TAF1A: variants seen among roughly 807,000 people sequenced by gnomAD.
TAF1A encodes TATA-box binding protein associated factor, RNA polymerase I subunit A, also known as TATA box-binding protein-associated factor RNA polymerase I subunit A.
TAF1A carries 42 observed loss-of-function variants against 61.6 expected under a neutral mutation model. The observed-to-expected ratio is 0.68, with a 90% CI of 0.53 to 0.88. The LOEUF is 0.88. Ranked by LOEUF, TAF1A falls within the 40% of genes least tolerant of loss-of-function variation. TAF1A has a pLI of 0.00. For synonymous variants in TAF1A, 179 were observed against 177.7 expected, an observed-to-expected ratio of 1.01 and a Z score of -0.06; for missense variants, 424 against 518.7, an observed-to-expected ratio of 0.82 and a Z score of 1.77.
At chr1:222,585,042 T>A (rs957293058) in intron 2 of TAF1A, among the ~76,000 whole-genome samples, 1 of 152,154 alleles carries the variant, frequency 6.6e-6, no homozygotes, top group Admixed American at 6.5e-5. Context: ...CACAAGTTAA[T>A]CTCCTAGACA....
chr1:222,578,172 G>A (rs1207135269), intron 4 of TAF1A, among the ~76,000 whole-genome samples: 3 of 152,130 alleles, frequency 2.0e-5, no homozygotes, highest in Non-Finnish European at 4.4e-5. Flanking sequence ...CAGATGGAGA[G>A]GAAAGTGTAT....
intron 10 of TAF1A, among the ~76,000 whole-genome samples, chr1:222,561,066 T>C (rs144338555): frequency 9.9e-5 from 15 of 152,226 alleles, no homozygotes; most frequent in African/African-American, 3.4e-4. Context: ...TCAGTAAACT[T>C]TCTATAAAAC....
rs1659791973 is a variant in TAF1A at position 222,558,560 on chromosome 1, GTAA to G, written c.*97_*99del. The G allele has an allele frequency of 2.2e-6, 1 of 463,992 alleles. No individual in the cohort carries two copies. The highest frequency in any genetic ancestry group is 9.8e-5 in the South Asian group (1 of 10,196). 28.7% of individuals were successfully genotyped at this position (463,992 alleles called of 1,614,324 possible). Reference sequence around the variant, plus strand: ...AATATATAAAAATAAGTTTTTTGTAGTAATATAAGCTTCTTAATACACTACATA... The same window carrying G: ...AATATATAAAAATAAGTTTTTTGTAGTATAAGCTTCTTAATACACTACATA... On this transcript the variant is annotated 3_prime_UTR_variant, in exon 11 of 11. Coordinates refer to ENST00000352967, the MANE Select transcript of TAF1A (RefSeq NM_005681.4).
intron 7 of TAF1A, among the ~76,000 whole-genome samples, chr1:222,566,850 T>C (rs1660137506): frequency 6.6e-6 from 1 of 152,192 alleles, no homozygotes. Flanking sequence ...GAATTGTTGG[T>C]AGGAATGTAA....
chr1:222,574,392 G>C (rs1660486137), intron 5 of TAF1A, among the ~76,000 whole-genome samples: 1 of 152,150 alleles, frequency 6.6e-6, no homozygotes, highest in African/African-American at 2.4e-5. Context: ...ACTCTAATCA[G>C]ATTGTCGGTA....
At chr1:222,572,930 C>T (rs1369335817) in intron 5 of TAF1A, among the ~76,000 whole-genome samples, 1 of 152,144 alleles carries the variant, frequency 6.6e-6, no homozygotes, top group Non-Finnish European at 1.5e-5. Context: ...TAAATTAAAC[C>T]TCATCAAATG....
At chr1:222,555,649 G>A (rs573327014), downstream of TAF1A, among the ~76,000 whole-genome samples, 8 of 152,254 alleles carry the variant, frequency 5.3e-5, no homozygotes, top group South Asian at 1.7e-3. Flanking sequence ...GCATGGTGAT[G>A]ACAGTTCAGT....
chr1:222,559,171 C>T (rs950270704), intron 10 of TAF1A, among the ~76,000 whole-genome samples: 2 of 152,202 alleles, frequency 1.3e-5, no homozygotes, highest in Admixed American at 6.5e-5. Context: ...AAAGCACATT[C>T]GTATAGCTTC....
intron 2 of TAF1A, among the ~76,000 whole-genome samples, chr1:222,586,838 G>A (rs776524100): frequency 1.3e-5 from 2 of 152,180 alleles, no homozygotes; most frequent in Non-Finnish European, 2.9e-5. Context: ...AGGCAATTTT[G>A]TTTTCCTATT....
intron 6 of TAF1A, 67 bp downstream of exon 6, chr1:222,570,468 G>T: frequency 7.2e-7 from 1 of 1,383,888 alleles, no homozygotes; most frequent in Non-Finnish European, 9.8e-7. Context: ...ATAAAGATTA[G>T]GCATGCAGTC....
chr1:222,563,161 T>C lies in TAF1A; in HGVS notation c.1085+12A>G. ...TATGATGACCTAGTAATAAACACTGTATGTTTCTTACCCCATTAAGATATT... is the reference window on the plus strand; with the variant it reads ...TATGATGACCTAGTAATAAACACTGCATGTTTCTTACCCCATTAAGATATT... On this transcript the variant is annotated intron_variant, in intron 9 of 10. Transcript: ENST00000352967. 1 of 1,595,514 alleles carries C rather than the reference T, an allele frequency of 6.3e-7. No individual in the cohort carries two copies. Among genetic ancestry groups the C allele is most frequent in the South Asian group, 1.1e-5 (1 of 90,042 alleles).
chr1:222,578,320 T>C (rs1660652420), intron 4 of TAF1A, among the ~76,000 whole-genome samples: 1 of 152,188 alleles, frequency 6.6e-6, no homozygotes, highest in African/African-American at 2.4e-5. Flanking sequence ...AGTTGTCAAC[T>C]GGCCTCTCCA....
At chr1:222,586,883 G>C (rs961075853) in intron 2 of TAF1A, among the ~76,000 whole-genome samples, 1 of 152,194 alleles carries the variant, frequency 6.6e-6, no homozygotes, top group African/African-American at 2.4e-5. Context: ...AATATTAATT[G>C]CAAGTATTTT....
chr1:222,583,401 C>T (rs1395933064), intron 3 of TAF1A, among the ~76,000 whole-genome samples: 2 of 137,726 alleles, frequency 1.5e-5, no homozygotes, highest in Admixed American at 7.6e-5. Flanking sequence ...TGGGTGATGG[C>T]GTATAAAAAA....
At chr1:222,582,945 A>T (rs535272840) in intron 3 of TAF1A, among the ~76,000 whole-genome samples, 2 of 152,306 alleles carry the variant, frequency 1.3e-5, no homozygotes, top group South Asian at 4.2e-4. Context: ...CACTTTGGGG[A>T]GGCCGAGGTG....
chr1:222,555,647 A>G (rs1659716466), downstream of TAF1A, among the ~76,000 whole-genome samples: 1 of 152,194 alleles, frequency 6.6e-6, no homozygotes, highest in Admixed American at 6.5e-5. Flanking sequence ...CAGCATGGTG[A>G]TGACAGTTCA....
chr1:222,589,002 T>C (rs1217500146), intron 1 of TAF1A, among the ~76,000 whole-genome samples: 1 of 152,164 alleles, frequency 6.6e-6, no homozygotes. Flanking sequence ...CTTTCTTCCA[T>C]GTGAAGGTTG....
chr1:222,566,887 T>C (rs1245899894), intron 7 of TAF1A, among the ~76,000 whole-genome samples: 1 of 152,212 alleles, frequency 6.6e-6, no homozygotes, highest in Non-Finnish European at 1.5e-5. Context: ...TAGAAAACAG[T>C]TTGACAATTC....
intron 7 of TAF1A, among the ~76,000 whole-genome samples, 191 bp from the exon 8 acceptor site, chr1:222,564,316 T>TAAAAAAAAAAAAAAAA (rs34892481): frequency 9.0e-6 from 1 of 110,620 alleles, no homozygotes; most frequent in Non-Finnish European, 1.8e-5. Flanking sequence ...AAAGCTGTCT[T>TAAAAAAAAAAAAAAAA]AAAAAAAAAA....
Sources: gnomAD v4.1 joint callset for allele counts (sites outside exome capture counted in the v4.1 genomes callset) on GRCh38, gnomAD v4.1.1 for gene constraint, MANE v1.5 for transcripts, NCBI Gene and HGNC (gene_info 2026-07-23, HGNC 2026-07-21) for gene names.